OTUD7A: variants seen among roughly 807,000 people sequenced by gnomAD.
OTUD7A encodes the protein OTU domain-containing protein 7A.
Under a neutral mutation model 65.7 loss-of-function variants are expected in OTUD7A, and 12 were observed. The ratio of observed to expected loss-of-function variants is 0.18; its 90% CI spans 0.12 to 0.30. The LOEUF is 0.30. Among genes scored for constraint, OTUD7A ranks in the 10% least tolerant of loss-of-function variants. OTUD7A has a pLI of 1.00. For missense variants in OTUD7A, 1,148 were observed against 1,304.8 expected (o/e 0.88, Z 1.85); for synonymous variants, 641 against 586.3 (o/e 1.09, Z -1.35).
At chr15:31,558,118 G>A (rs570958260) in intron 5 of OTUD7A, 1 of 152,386 alleles carries the variant, frequency 6.6e-6, no homozygotes, top group East Asian at 1.9e-4. Flanking sequence ...GCTCCCACTG[G>A]GAGGGGCGTG....
intron 1 of OTUD7A, among the ~76,000 whole-genome samples, chr15:31,673,246 A>C (rs1892524516): frequency 6.6e-6 from 1 of 152,246 alleles, no homozygotes; most frequent in Non-Finnish European, 1.5e-5. Flanking sequence ...CCTAAGTCCA[A>C]CCATTCTAAA....
At chr15:31,700,036 T>C (rs1229717572) in intron 1 of OTUD7A, among the ~76,000 whole-genome samples, 1 of 151,274 alleles carries the variant, frequency 6.6e-6, no homozygotes, top group African/African-American at 2.4e-5. Context: ...ACCACCTGAC[T>C]GAAACCACAG....
At chr15:31,626,402 G>A (rs1445202410) in intron 3 of OTUD7A, among the ~76,000 whole-genome samples, 1 of 152,092 alleles carries the variant, frequency 6.6e-6, no homozygotes, top group Non-Finnish European at 1.5e-5. Flanking sequence ...TAGGTGGTGG[G>A]TACATGGTGT....
chr15:31,821,903 T>C (rs1204720599), intron 1 of OTUD7A, among the ~76,000 whole-genome samples: 1 of 152,248 alleles, frequency 6.6e-6, no homozygotes, highest in East Asian at 1.9e-4. Context: ...TGGCCATTTG[T>C]ATATCAACTT....
chr15:31,677,492 A>G (rs1892619788), intron 1 of OTUD7A, among the ~76,000 whole-genome samples: 1 of 152,182 alleles, frequency 6.6e-6, no homozygotes, highest in Admixed American at 6.5e-5. Context: ...GGGTGGGATC[A>G]GGTGGAGGTA....
chr15:31,780,104 G>C (rs775554718), intron 1 of OTUD7A, among the ~76,000 whole-genome samples: 1 of 152,124 alleles, frequency 6.6e-6, no homozygotes, highest in Non-Finnish European at 1.5e-5. Context: ...GGCCAGCCGC[G>C]ACAGCTGTCA....
At chr15:31,827,657 C>T (rs540887795) in intron 1 of OTUD7A, among the ~76,000 whole-genome samples, 83 of 152,216 alleles carry the variant, frequency 5.5e-4, no homozygotes, top group African/African-American at 1.8e-3. Context: ...CCAGGTATGA[C>T]GGCTCATGCC....
intron 1 of OTUD7A, chr15:31,766,083 AAGT>A: frequency 6.8e-7 from 1 of 1,467,588 alleles, no homozygotes; most frequent in Non-Finnish European, 9.5e-7. Context: ...TCCCCTTTTT[AAGT>A]AGTCAAGATG....
intron 1 of OTUD7A, among the ~76,000 whole-genome samples, chr15:31,662,198 C>A (rs763761550): frequency 3.9e-5 from 6 of 152,176 alleles, no homozygotes; most frequent in Non-Finnish European, 7.3e-5. Context: ...CAGCATAATT[C>A]TTTTATTCAT....
At chr15:31,798,426 C>T (rs553592618) in intron 1 of OTUD7A, among the ~76,000 whole-genome samples, 16 of 152,172 alleles carry the variant, frequency 1.1e-4, no homozygotes, top group African/African-American at 3.9e-4. Context: ...TGGCCATGGA[C>T]AAGTCAGAGC....
Position 31,484,416 on chromosome 15 carries a change from G to A in OTUD7A, c.1680C>T (p.Asn560=). The A allele has an allele frequency of 6.2e-7, 1 of 1,602,344 alleles. No homozygotes were observed. ...CCTTGCCCCGCTCGGCCGAGTCCCC[G>A]TTCTTGCCATTGGCGGAGTTGGCGC... ...MGRANSANGK[N]GDSAERGKEK... Residue 560 remains asparagine, a synonymous_variant, in exon 13 of 13, where the codon AAC becomes AAT. Transcript: ENST00000307050. The surrounding 1 kb of genome is among the most constrained non-coding windows in gnomAD (Gnocchi z 4.5).
At chr15:31,852,659 C>A (rs892296930) in intron 1 of OTUD7A, among the ~76,000 whole-genome samples, 12 of 152,166 alleles carry the variant, frequency 7.9e-5, no homozygotes, top group African/African-American at 1.7e-4. Context: ...GGCCAACTGG[C>A]CAATTCTGTG....
At position 31,483,400 on chromosome 15, in the gene OTUD7A, C is replaced by A; in HGVS notation, c.2696G>T (p.Arg899Leu). The A allele has an allele frequency of 7.4e-7, 1 of 1,348,332 alleles. No homozygotes were observed. Among genetic ancestry groups the A allele is most frequent in the Non-Finnish European group, 9.5e-7 (1 of 1,048,644 alleles). 83.5% of individuals were successfully genotyped at this position (1,348,332 alleles called of 1,614,324 possible). Residue 899 changes from arginine (R) to leucine (L), a missense_variant, in exon 13 of 13, where the codon CGC (arginine) becomes CTC (leucine). Arg to Leu is a moderately radical substitution (Grantham distance 102). Coordinates refer to ENST00000307050, the MANE Select transcript of OTUD7A (RefSeq NM_001382637.1). ...GCGCCCGTAGAACGCACAGTTCTCG[C>A]GCTGGCAGCGCCGCTGCACCGGCCC... Reference protein sequence around the residue: ...GPGPVQRRCQRENCAFYGRAE... With the variant: ...GPGPVQRRCQLENCAFYGRAE...
intron 8 of OTUD7A, among the ~76,000 whole-genome samples, chr15:31,517,879 C>T (rs7164728): frequency 0.045 from 6,907 of 152,130 alleles, 528 homozygotes; most frequent in African/African-American, 0.16. Flanking sequence ...AGACCATCCT[C>T]GGCAAGAGCG....
chr15:31,829,387 C>T (rs1023854386), intron 1 of OTUD7A, among the ~76,000 whole-genome samples: 4 of 152,234 alleles, frequency 2.6e-5, no homozygotes, highest in African/African-American at 7.2e-5. Flanking sequence ...CTGGAAGTCA[C>T]ACCCTGTGAA....
In OTUD7A at chr15:31,570,177, C is replaced by G; in HGVS notation, c.172G>C (p.Ala58Pro). The G allele has an allele frequency of 1.2e-6, 2 of 1,614,178 alleles. No homozygotes were observed. Among genetic ancestry groups the G allele is most frequent in the Non-Finnish European group, 1.7e-6 (2 of 1,180,020 alleles). ...LLEGKNWDLT[A>P]ALSDYEQLRQ... ...AGCTGCTCATAGTCGCTCAGAGCGG[C>G]TGTCAGGTCCCAGTTTTTGCCTGTG... Residue 58 changes from alanine (A) to proline (P), a missense_variant, in exon 4 of 13, where the codon GCC becomes CCC. Physicochemically the swap from Ala to Pro is conservative, Grantham distance 27. Transcript: ENST00000307050.
chr15:31,497,670 G>A (rs1242722352), intron 10 of OTUD7A, among the ~76,000 whole-genome samples: 2 of 152,094 alleles, frequency 1.3e-5, no homozygotes, highest in Admixed American at 6.5e-5. Context: ...GGTCTGAGAC[G>A]CTATCTTATC....
chr15:31,819,488 G>C (rs1896627520), intron 1 of OTUD7A, among the ~76,000 whole-genome samples: 1 of 152,126 alleles, frequency 6.6e-6, no homozygotes, highest in Admixed American at 6.5e-5. Context: ...AGAGAGAAAA[G>C]AATATGACTA....
intron 1 of OTUD7A, among the ~76,000 whole-genome samples, chr15:31,862,952 G>C (rs1167487504): frequency 1.3e-5 from 2 of 152,178 alleles, no homozygotes; most frequent in Non-Finnish European, 1.5e-5. Flanking sequence ...TAGATACAAT[G>C]GGGGTACAGG....
Sources: gnomAD v4.1 joint callset for allele counts (sites outside exome capture counted in the v4.1 genomes callset) on GRCh38, gnomAD v4.1.1 for gene constraint, Gnocchi (gnomAD v3.1) non-coding constraint, MANE v1.5 for transcripts, NCBI Gene and HGNC (gene_info 2026-07-23, HGNC 2026-07-21) for gene names.